CD82: variants seen among roughly 807,000 people sequenced by gnomAD.
CD82 encodes the protein CD82 antigen.
A neutral mutation model predicts 37.4 loss-of-function variants in CD82; 36 were observed. The ratio of observed to expected loss-of-function variants is 0.96; its 90% CI spans 0.74 to 1.27. CD82 has a LOEUF of 1.27. Among genes scored for constraint, CD82 ranks in the 50% most tolerant of loss-of-function variants. The probability of loss-of-function intolerance (pLI) is 0.00; values close to 1 mark genes in which losing one functional copy is unlikely to be tolerated. For synonymous variants in CD82, 158 were observed against 137.4 expected (o/e 1.15, Z -1.05); for missense variants, 340 against 347.0 (o/e 0.98, Z 0.16).
rs76787608 is a variant in CD82, at chr11:44,579,713, G to A, written c.-102-7762G>A. Among the ~76,000 whole-genome samples the A allele has an allele frequency of 6.9e-4, 105 of 152,278 alleles. 1 individual carries two copies. In the East Asian group the frequency reaches 0.019, roughly 27 times the overall value. On this transcript the variant is annotated intron_variant, in intron 1 of 9. Coordinates refer to ENST00000227155, the MANE Select transcript of CD82 (RefSeq NM_002231.4). ...AAGTGTCTGGGCTGGTTAAATGGCC[G>A]CTTCCCTGCCTGGGAACCAGGGGCC...
In CD82 at chr11:44,618,634, T is replaced by G; in HGVS notation, c.643-6T>G. ...GGGGTGATGTGACCGCATTCTGCCC[T>G]TGCAGGGCTGCATGGAGAAGGTGCA... is the stretch of plus-strand genomic sequence containing the variant. On this transcript the variant is annotated splice_region_variant and splice_polypyrimidine_tract_variant and intron_variant, in intron 8 of 9. Transcript: ENST00000227155. The G allele has an allele frequency of 6.2e-7, 1 of 1,607,476 alleles. No homozygotes were observed. Among genetic ancestry groups the G allele is most frequent in the Non-Finnish European group, 8.5e-7 (1 of 1,177,334 alleles).
chr11:44,616,778 C>T (rs950237112), intron 7 of CD82, among the ~76,000 whole-genome samples: 4 of 152,122 alleles, frequency 2.6e-5, no homozygotes, highest in Non-Finnish European at 5.9e-5. Context: ...GCGGAGGTGG[C>T]GTGTGCTGCT....
chr11:44,578,260 G>T (rs968071986), intron 1 of CD82, among the ~76,000 whole-genome samples: 7 of 152,184 alleles, frequency 4.6e-5, no homozygotes, highest in Non-Finnish European at 8.8e-5. Flanking sequence ...TGCCTGGTTT[G>T]CTGGGTCGCC....
intron 2 of CD82, among the ~76,000 whole-genome samples, chr11:44,589,282 CA>C (rs1048996645): frequency 1.5e-4 from 23 of 152,186 alleles, no homozygotes; most frequent in Non-Finnish European, 2.8e-4. Context: ...ACCACCATAA[CA>C]AAGATCAGTA....
At position 44,619,725 on chromosome 11, in the gene CD82, CTG is replaced by C. The variant is rs1364580289; in HGVS notation, c.*600_*601del. ...GTTGCAGTGAGCTGAGATCGTGCTA[CTG>C]CACTCCAGCCTGGGGGACAGAAAGA... is the stretch of plus-strand genomic sequence containing the variant. On this transcript the variant is annotated 3_prime_UTR_variant, in exon 10 of 10. Transcript: ENST00000227155. The C allele has an allele frequency of 2.3e-5, 3 of 127,784 alleles. No homozygotes were observed. Among genetic ancestry groups the C allele is most frequent in the Non-Finnish European group, 4.6e-5 (3 of 64,806 alleles). The allele number at this position is 127,784 out of a possible 1,614,324, so 7.9% of individuals were successfully genotyped here. A position where few individuals can be genotyped will look rare whatever the true frequency, so the allele number is the denominator to read the frequency against.
chr11:44,618,695 G>C lies in CD82; in HGVS notation c.698G>C (p.Gly233Ala). 1 of 1,613,318 alleles carries C rather than the reference G, an allele frequency of 6.2e-7. No individual in the cohort carries two copies. The change falls in exon 9 of 10, where the codon GGC becomes GCC. Residue 233 changes from glycine (G) to alanine (A), a missense_variant. By Grantham distance (60) the Gly-to-Ala change is moderately conservative. Coordinates refer to ENST00000227155, the MANE Select transcript of CD82 (RefSeq NM_002231.4). ...WLQENLGIILGVGVGVAIIEL... is the reference protein window; with the variant it reads ...WLQENLGIILAVGVGVAIIEL... ...CAGGAGAACCTGGGCATCATCCTCG[G>C]CGTGGGCGTGGGTGTGGCCATCATC...
At chr11:44,596,665 C>G (rs1853232015) in intron 3 of CD82, among the ~76,000 whole-genome samples, 1 of 152,036 alleles carries the variant, frequency 6.6e-6, no homozygotes, top group Non-Finnish European at 1.5e-5. Context: ...CTAGGATGAC[C>G]CATCAGGATG....
chr11:44,612,376 C>T (rs1022047011), intron 6 of CD82, among the ~76,000 whole-genome samples: 1 of 152,114 alleles, frequency 6.6e-6, no homozygotes, highest in Non-Finnish European at 1.5e-5. Flanking sequence ...AATACCTAGG[C>T]CATAGGTCTG....
chr11:44,591,869 G>A (rs924303071), intron 2 of CD82, among the ~76,000 whole-genome samples: 8 of 152,074 alleles, frequency 5.3e-5, no homozygotes, highest in African/African-American at 1.9e-4. Context: ...GCCCAGGCTG[G>A]AGTGCAGTGG....
chr11:44,594,772 T>C, intron 3 of CD82, 47 bp downstream of exon 3: 1 of 1,499,684 alleles, frequency 6.7e-7, no homozygotes, highest in Non-Finnish European at 9.3e-7. Context: ...AAGATTCTCC[T>C]TCCAGGGGCA....
intron 6 of CD82, among the ~76,000 whole-genome samples, chr11:44,613,182 C>G (rs777059511): frequency 6.6e-6 from 1 of 152,186 alleles, no homozygotes. Flanking sequence ...TCCTTGGCAT[C>G]CCTGCCTTCT....
intron 1 of CD82, among the ~76,000 whole-genome samples, chr11:44,578,430 C>T (rs1307940897): frequency 5.3e-5 from 8 of 152,138 alleles, no homozygotes; most frequent in African/African-American, 1.4e-4. Flanking sequence ...CTTCCTATAG[C>T]GCCTAGCACC....
intron 6 of CD82, 92 bp from the exon 7 acceptor site, chr11:44,615,178 AGG>A (rs1305420832): frequency 1.3e-6 from 1 of 789,394 alleles, no homozygotes; most frequent in African/African-American, 1.7e-5. Context: ...AGGGTTGCTG[AGG>A]GGAACGGGGG....
chr11:44,564,477 G>A, upstream of CD82: 1 of 456,312 alleles, frequency 2.2e-6, no homozygotes, highest in Non-Finnish European at 4.4e-6. Flanking sequence ...CAGCTGCACA[G>A]GTGAATGCCC....
chr11:44,570,642 T>C (rs1852801035), intron 1 of CD82, among the ~76,000 whole-genome samples: 1 of 152,186 alleles, frequency 6.6e-6, no homozygotes, highest in African/African-American at 2.4e-5. Flanking sequence ...GCAACCTGGA[T>C]CCAGGGAGAT....
Position 44,587,549 on chromosome 11 carries a change from C to T in CD82, c.-28C>T, listed in dbSNP as rs776219159. 1.4e-4 allele frequency: 66 copies of T among 456,184 alleles called. No individual in the cohort carries two copies. Among genetic ancestry groups the T allele is most frequent in the Non-Finnish European group, 1.5e-4 (34 of 226,964 alleles). The allele number at this position is 456,184 out of a possible 1,614,324, so 28.3% of individuals were successfully genotyped here. On this transcript the variant is annotated 5_prime_UTR_variant, in exon 2 of 10. Coordinates refer to ENST00000227155, the MANE Select transcript of CD82 (RefSeq NM_002231.4). ...GCCCTGTGACCAGCTGCACTGGTTT[C>T]GTGGAAGGTAAGTCCTGGGCTGAGA...
chr11:44,594,497 C>T, intron 2 of CD82, 146 bp from the exon 3 acceptor site: 1 of 620,196 alleles, frequency 1.6e-6, no homozygotes, highest in South Asian at 1.8e-5. Flanking sequence ...CATTTCCTAG[C>T]TGTGTGGCTT....
intron 3 of CD82, among the ~76,000 whole-genome samples, chr11:44,598,567 C>T (rs896293638): frequency 2.0e-5 from 3 of 151,926 alleles, no homozygotes; most frequent in South Asian, 4.1e-4. Flanking sequence ...ACCCCATCAA[C>T]ACGCCCAGCT....
intron 3 of CD82, among the ~76,000 whole-genome samples, chr11:44,598,429 TGA>T (rs1853260711): frequency 8.3e-6 from 1 of 120,234 alleles, no homozygotes; most frequent in African/African-American, 3.1e-5. Context: ...TTTTTTTTTT[TGA>T]GACGGAGTCT....
Sources: gnomAD v4.1 joint callset for allele counts (sites outside exome capture counted in the v4.1 genomes callset) on GRCh38, gnomAD v4.1.1 for gene constraint, MANE v1.5 for transcripts, NCBI Gene and HGNC (gene_info 2026-07-23, HGNC 2026-07-21) for gene names.